KDM4B: variants seen among roughly 807,000 people sequenced by gnomAD.
KDM4B encodes the protein lysine demethylase 4B, also known as lysine-specific demethylase 4B.
In KDM4B, 32 loss-of-function variants were observed where a neutral mutation model predicts 125.2. The ratio of observed to expected loss-of-function variants is 0.26; its 90% CI spans 0.19 to 0.34. The LOEUF is 0.34. Ranked by LOEUF, KDM4B falls within the 10% of genes least tolerant of loss-of-function variation. The probability of loss-of-function intolerance (pLI) is 1.00; values close to 1 mark genes in which losing one functional copy is unlikely to be tolerated. For synonymous variants in KDM4B, 721 were observed against 677.9 expected, an observed-to-expected ratio of 1.06 and a Z score of -0.99; for missense variants, 1,190 against 1,577.7, an observed-to-expected ratio of 0.75 and a Z score of 4.16.
intron 9 of KDM4B, among the ~76,000 whole-genome samples, chr19:5,104,380 T>C (rs1451300976): frequency 6.6e-6 from 1 of 152,222 alleles, no homozygotes; most frequent in Non-Finnish European, 1.5e-5. Context: ...CCTATAATAG[T>C]TCAGACATGG....
chr19:5,090,778 A>G (rs2038684444), intron 9 of KDM4B, among the ~76,000 whole-genome samples: 1 of 149,390 alleles, frequency 6.7e-6, no homozygotes, highest in African/African-American at 2.5e-5. Flanking sequence ...TGGGCCCAGC[A>G]CACCCTAGAC....
At chr19:5,007,768 G>A (rs1224388587) in intron 1 of KDM4B, among the ~76,000 whole-genome samples, 1 of 151,896 alleles carries the variant, frequency 6.6e-6, no homozygotes, top group Middle Eastern at 3.2e-3. Context: ...GCCTAGTCTG[G>A]TCTTGAACTC....
chr19:5,065,394 T>G (rs1282050691), intron 6 of KDM4B, among the ~76,000 whole-genome samples: 4 of 152,276 alleles, frequency 2.6e-5, no homozygotes, highest in African/African-American at 9.6e-5. Flanking sequence ...ATTTGCTTAT[T>G]TATTTTCATT....
chr19:4,984,805 C>A (rs572473164), intron 1 of KDM4B, among the ~76,000 whole-genome samples: 1 of 152,272 alleles, frequency 6.6e-6, no homozygotes, highest in Admixed American at 6.5e-5. Flanking sequence ...CTGTAACCCC[C>A]ACTTCGCAGG....
intron 11 of KDM4B, among the ~76,000 whole-genome samples, 179 bp from the exon 12 acceptor site, chr19:5,130,897 C>T (rs545383557): frequency 6.6e-6 from 1 of 152,372 alleles, no homozygotes; most frequent in South Asian, 2.1e-4. Flanking sequence ...GCCAGGTGCC[C>T]CTGCGGTGAT....
At chr19:5,006,134 G>A (rs1006263205) in intron 1 of KDM4B, among the ~76,000 whole-genome samples, 2 of 151,996 alleles carry the variant, frequency 1.3e-5, no homozygotes, top group Non-Finnish European at 2.9e-5. Flanking sequence ...TGCTGGTCCC[G>A]CCTCCCTTCC....
chr19:5,039,707 C>T, intron 3 of KDM4B, 129 bp from the exon 4 acceptor site: 2 of 1,011,134 alleles, frequency 2.0e-6, no homozygotes, highest in Admixed American at 2.6e-5. Context: ...GTTCCTCGTG[C>T]CCCTGGGGGG....
In KDM4B at chr19:5,082,408, C is replaced by T. The variant is rs758562523; in HGVS notation, c.822C>T (p.Tyr274=). The T allele has an allele frequency of 7.0e-5, 113 of 1,613,656 alleles. No homozygotes were observed. The highest frequency in any genetic ancestry group is 3.4e-4 in the South Asian group (31 of 91,080). Residue 274 remains tyrosine (Y), a synonymous_variant, in exon 9 of 23, where the codon TAC becomes TAT. Transcript: ENST00000159111. This position sits in a 1 kb window ranked among gnomAD's most constrained non-coding sequence, Gnocchi z 5.4. ...GGGAATTCATGATCACATTTCCCTA[C>T]GGCTACCACGCCGGCTTCAATCACG... The part of the protein sequence containing the change: ...EAGEFMITFP[Y]GYHAGFNHGF...
intron 1 of KDM4B, among the ~76,000 whole-genome samples, chr19:5,015,864 T>A (rs1178549184): frequency 2.0e-5 from 3 of 152,180 alleles, no homozygotes; most frequent in African/African-American, 7.2e-5. Flanking sequence ...GCTCTGCCTC[T>A]TGGTGTTGGG....
At chr19:5,105,577 C>T (rs1317356733) in intron 9 of KDM4B, among the ~76,000 whole-genome samples, 1 of 152,118 alleles carries the variant, frequency 6.6e-6, no homozygotes, top group African/African-American at 2.4e-5. Flanking sequence ...AGACAGTAGG[C>T]GTGCACCACC....
intron 10 of KDM4B, among the ~76,000 whole-genome samples, chr19:5,118,379 T>C (rs1033539115): frequency 6.6e-6 from 1 of 152,132 alleles, no homozygotes; most frequent in African/African-American, 2.4e-5. Context: ...GGATCTCAAC[T>C]GGGGAAGGGG....
chr19:4,990,447 G>A (rs1373711146), intron 1 of KDM4B, among the ~76,000 whole-genome samples: 4 of 152,220 alleles, frequency 2.6e-5, no homozygotes, highest in Non-Finnish European at 4.4e-5. Context: ...CCTGGGGCAG[G>A]TGGCCTCTGG....
At chr19:5,147,971 G>A (rs1046760671) in intron 21 of KDM4B, among the ~76,000 whole-genome samples, 2 of 152,166 alleles carry the variant, frequency 1.3e-5, no homozygotes, top group African/African-American at 4.8e-5. Context: ...GGCCTGGTCA[G>A]CGGGGCGGGT....
chr19:5,085,493 T>C (rs914457591), intron 9 of KDM4B, among the ~76,000 whole-genome samples: 4 of 152,196 alleles, frequency 2.6e-5, no homozygotes, highest in African/African-American at 9.7e-5. Context: ...TGCCCAGATA[T>C]TAAAAGCAAT....
intron 11 of KDM4B, among the ~76,000 whole-genome samples, chr19:5,121,311 C>G (rs927057877): frequency 2.0e-5 from 3 of 152,190 alleles, no homozygotes; most frequent in Non-Finnish European, 4.4e-5. Flanking sequence ...GGCCCTGCGT[C>G]TGTTCAGCAC....
chr19:5,030,080 AG>A (rs2036403817), intron 2 of KDM4B, among the ~76,000 whole-genome samples: 1 of 152,124 alleles, frequency 6.6e-6, no homozygotes, highest in Admixed American at 6.5e-5. Context: ...CAACCCCACG[AG>A]GTGTGGGGAG....
At chr19:5,003,373 C>T (rs559371540) in intron 1 of KDM4B, among the ~76,000 whole-genome samples, 11 of 152,050 alleles carry the variant, frequency 7.2e-5, no homozygotes, top group African/African-American at 2.2e-4. Context: ...CCCAGCTTCT[C>T]GGGAGGCTGA....
intron 15 of KDM4B, among the ~76,000 whole-genome samples, chr19:5,136,500 G>T (rs1209487855): frequency 6.6e-6 from 1 of 152,174 alleles, no homozygotes; most frequent in African/African-American, 2.4e-5. Context: ...TGGCTGGGAG[G>T]CTCTTCACTC....
chr19:5,118,434 G>A lies in KDM4B; in HGVS notation c.1116-1219G>A, dbSNP rs146806214. ...CGGGCTGTGCGGCCTCGAGCTCATG[G>A]CCTAGAGAGGCCCCTGGCCAGGCCA... On this transcript the variant is annotated intron_variant, in intron 10 of 22. Coordinates refer to ENST00000159111, the MANE Select transcript of KDM4B (RefSeq NM_015015.3). Among the ~76,000 whole-genome samples the A allele has an allele frequency of 4.0e-3, 607 of 152,274 alleles. 7 individuals carry two copies. The highest frequency in any genetic ancestry group is 0.014 in the African/African-American group (582 of 41,570).
Sources: gnomAD v4.1 joint callset for allele counts (sites outside exome capture counted in the v4.1 genomes callset) on GRCh38, gnomAD v4.1.1 for gene constraint, Gnocchi (gnomAD v3.1) non-coding constraint, MANE v1.5 for transcripts, NCBI Gene and HGNC (gene_info 2026-07-23, HGNC 2026-07-21) for gene names.